The following MAP3K4 variants were observed in gnomAD, a reference collection of about 807,000 sequenced individuals.
MAP3K4 encodes MAP three kinase 1.
In MAP3K4, 67 loss-of-function variants were observed where a neutral mutation model predicts 185.6. The observed-to-expected ratio is 0.36, with a 90% confidence interval of 0.30 to 0.44. The LOEUF (loss-of-function observed/expected upper bound fraction) is 0.44. Ranked by LOEUF, MAP3K4 falls within the 20% of genes least tolerant of loss-of-function variation. The pLI is 1.00. For synonymous variants in MAP3K4, 702 were observed against 710.4 expected, an observed-to-expected ratio of 0.99 and a Z score of 0.19; for missense variants, 1,551 against 1,995.1, an observed-to-expected ratio of 0.78 and a Z score of 4.24.
Position 161,089,351 on chromosome 6 carries a change from G to C in MAP3K4, c.2853G>C (p.Gln951His). The C allele has an allele frequency of 6.2e-7, 1 of 1,614,086 alleles. No homozygotes were observed. Among genetic ancestry groups the C allele is most frequent in the South Asian group, 1.1e-5 (1 of 91,074 alleles). Residue 951 changes from glutamine (Q) to histidine (H), a missense_variant, in exon 11 of 27, where the codon CAG becomes CAC. Gln to His is a conservative substitution (Grantham distance 24). This residue lies in a region of MAP3K4 where 261 missense variants were observed against 306.5 expected (regional missense o/e 0.85). Transcript: ENST00000392142. ...ATAATCTTTTACTAGTTGTCATGCAGTCTGCGCATCTCACAATTCAGAGAA... is the reference window on the plus strand; with the variant it reads ...ATAATCTTTTACTAGTTGTCATGCACTCTGCGCATCTCACAATTCAGAGAA... ...QVDNLLLVVM[Q>H]SAHLTIQRKA...
chr6:161,071,531 G>A lies in MAP3K4; in HGVS notation c.1950+681G>A, dbSNP rs1440333741. On this transcript the variant is annotated intron_variant, in intron 4 of 26. Transcript: ENST00000392142. The surrounding 1 kb of genome is among the most constrained non-coding windows in gnomAD (Gnocchi z 4.6). ...GTACGTGTCTATCCCATAGGGATTG[G>A]AGGGCTAAGAGCTACCCGGCTCTGT... is the stretch of plus-strand genomic sequence containing the variant. Among the ~76,000 whole-genome samples, 1 of 152,198 alleles carries A rather than the reference G, an allele frequency of 6.6e-6. No homozygotes were observed. Among genetic ancestry groups the A allele is most frequent in the African/African-American group, 2.4e-5 (1 of 41,428 alleles).
intron 6 of MAP3K4, among the ~76,000 whole-genome samples, chr6:161,083,100 T>C (rs1785535283): frequency 6.6e-6 from 1 of 152,178 alleles, no homozygotes; most frequent in Non-Finnish European, 1.5e-5. Context: ...CCTTAGGCCC[T>C]TTTCACCAGC....
Position 161,091,080 on chromosome 6 carries a change from G to A in MAP3K4, c.2974-299G>A, listed in dbSNP as rs920306759. On this transcript the variant is annotated intron_variant, in intron 11 of 26. Coordinates refer to ENST00000392142, the MANE Select transcript of MAP3K4 (RefSeq NM_005922.4). The surrounding 1 kb of genome is among the most constrained non-coding windows in gnomAD (Gnocchi z 5.5). ...CACCCGTACTTATGGTTGAGCAACC[G>A]TCCAGGAGGAGAAAACAACAGGTGG... is the stretch of plus-strand genomic sequence containing the variant. Among the ~76,000 whole-genome samples the A allele has an allele frequency of 2.6e-5, 4 of 152,178 alleles. No homozygotes were observed. The highest frequency in any genetic ancestry group is 6.5e-5 in the Admixed American group (1 of 15,278).
At chr6:161,028,107 T>G (rs1369341586) in intron 1 of MAP3K4, among the ~76,000 whole-genome samples, 1 of 152,204 alleles carries the variant, frequency 6.6e-6, no homozygotes, top group Non-Finnish European at 1.5e-5. Flanking sequence ...AGTCACAAAG[T>G]CATTCCACAT....
In MAP3K4 at chr6:161,093,143, G is replaced by A; in HGVS notation, c.3348+87G>A. The A allele has an allele frequency of 1.2e-6, 1 of 860,936 alleles. No individual in the cohort carries two copies. The highest frequency in any genetic ancestry group is 2.6e-5 in the East Asian group (1 of 38,956). 53.3% of individuals were successfully genotyped at this position (860,936 alleles called of 1,614,324 possible). A position where few individuals can be genotyped will look rare whatever the true frequency, so the allele number is the denominator to read the frequency against. Reference sequence around the variant, plus strand: ...TTGTATATGTTTTATATGTAATAGTGGTTTTTTTCATGAGATATTAATCTC... The same window carrying A: ...TTGTATATGTTTTATATGTAATAGTAGTTTTTTTCATGAGATATTAATCTC... On this transcript the variant is annotated intron_variant, in intron 14 of 26. Coordinates refer to ENST00000392142, the MANE Select transcript of MAP3K4 (RefSeq NM_005922.4). This position sits in a 1 kb window ranked among gnomAD's most constrained non-coding sequence, Gnocchi z 5.2.
At chr6:161,050,905 G>A (rs984860889) in intron 3 of MAP3K4, among the ~76,000 whole-genome samples, 2 of 152,234 alleles carry the variant, frequency 1.3e-5, no homozygotes, top group Admixed American at 6.5e-5. Context: ...TGGTATCAGA[G>A]GTGGTTTGGT....
chr6:160,992,112 C>A, intron 1 of MAP3K4, 29 bp downstream of exon 1: 1 of 1,523,362 alleles, frequency 6.6e-7, no homozygotes. Context: ...GTCGGTCGCT[C>A]GCAGAAAGCG....
chr6:161,023,432 G>C (rs1289460127), intron 1 of MAP3K4, among the ~76,000 whole-genome samples: 1 of 152,180 alleles, frequency 6.6e-6, no homozygotes, highest in Non-Finnish European at 1.5e-5. Context: ...AGTATGTTTA[G>C]GTTATGCTTC....
chr6:161,084,076 T>TA lies in MAP3K4; in HGVS notation c.2256-424dup, dbSNP rs1192598040. On this transcript the variant is annotated intron_variant, in intron 6 of 26. Coordinates refer to ENST00000392142, the MANE Select transcript of MAP3K4 (RefSeq NM_005922.4). This position sits in a 1 kb window ranked among gnomAD's most constrained non-coding sequence, Gnocchi z 4.6. The stretch of plus-strand genomic sequence containing the variant: ...TACTCAATGAGAAGGATCAGCCAGA[T>TA]AGAGTGTTTCATGTTTATTGACTAT... 6.6e-6 allele frequency among the ~76,000 whole-genome samples: 1 copy of TA among 152,252 alleles called. No homozygotes were observed. Among genetic ancestry groups the TA allele is most frequent in the Admixed American group, 6.5e-5 (1 of 15,290 alleles).
Position 161,077,148 on chromosome 6 carries a change from C to T in MAP3K4, c.2097+3536C>T, listed in dbSNP as rs948931018. Among the ~76,000 whole-genome samples the T allele has an allele frequency of 6.6e-6, 1 of 151,794 alleles. No individual in the cohort carries two copies. The highest frequency in any genetic ancestry group is 6.6e-5 in the Admixed American group (1 of 15,256). On this transcript the variant is annotated intron_variant, in intron 5 of 26. Transcript: ENST00000392142. This position sits in a 1 kb window ranked among gnomAD's most constrained non-coding sequence, Gnocchi z 4.3. ...TGTAATAAGAGATTGTTTTAAAAAG[C>T]GTATAGACTAGAAGGAAATGTGCTC... is the stretch of plus-strand genomic sequence containing the variant.
At position 161,116,980 on chromosome 6, in the gene MAP3K4, G is replaced by A. The variant is rs1253862057; in HGVS notation, c.*110G>A. On this transcript the variant is annotated 3_prime_UTR_variant, in exon 27 of 27. Transcript: ENST00000392142. This position sits in a 1 kb window ranked among gnomAD's most constrained non-coding sequence, Gnocchi z 6.2. ...TAAGCCTTTTTAACCTTCCAAGACTGAAGACTGCACAGGTGACAAGCGTCA... is the reference window on the plus strand; with the variant it reads ...TAAGCCTTTTTAACCTTCCAAGACTAAAGACTGCACAGGTGACAAGCGTCA... 2.0e-6 allele frequency: 2 copies of A among 1,007,430 alleles called. No individual in the cohort carries two copies. The highest frequency in any genetic ancestry group is 1.6e-5 in the African/African-American group (1 of 62,806). 62.4% of individuals were successfully genotyped at this position (1,007,430 alleles called of 1,614,324 possible). A position where few individuals can be genotyped will look rare whatever the true frequency, so the allele number is the denominator to read the frequency against.
chr6:161,098,153 A>T lies in MAP3K4; in HGVS notation c.3525-125A>T. ...CACCTAGACTCAAATCTCAAAGAAC[A>T]ATTTGCATTTTATATTTTTAAATAT... On this transcript the variant is annotated intron_variant, in intron 16 of 26. Transcript: ENST00000392142. The surrounding 1 kb of genome is among the most constrained non-coding windows in gnomAD (Gnocchi z 4.4). 2 of 1,155,364 alleles carry T rather than the reference A, an allele frequency of 1.7e-6. No individual in the cohort carries two copies. The highest frequency in any genetic ancestry group is 2.4e-6 in the Non-Finnish European group (2 of 823,492). The allele number at this position is 1,155,364 out of a possible 1,614,324, so 71.6% of individuals were successfully genotyped here.
chr6:161,099,078 C>G (rs1233676292), intron 17 of MAP3K4, among the ~76,000 whole-genome samples: 2 of 152,128 alleles, frequency 1.3e-5, no homozygotes, highest in Non-Finnish European at 2.9e-5. Flanking sequence ...ATCATGTTCT[C>G]CTATCCTAAG....
intron 2 of MAP3K4, among the ~76,000 whole-genome samples, chr6:161,041,280 G>A (rs1783437691): frequency 6.6e-6 from 1 of 152,228 alleles, no homozygotes; most frequent in Admixed American, 6.5e-5. Flanking sequence ...CCACGCTGAT[G>A]CCTTCCCAGC....
At position 161,091,134 on chromosome 6, in the gene MAP3K4, G is replaced by C. The variant is rs1168731751; in HGVS notation, c.2974-245G>C. Among the ~76,000 whole-genome samples, 1 of 152,156 alleles carries C rather than the reference G, an allele frequency of 6.6e-6. No homozygotes were observed. Among genetic ancestry groups the C allele is most frequent in the African/African-American group, 2.4e-5 (1 of 41,446 alleles). On this transcript the variant is annotated intron_variant, in intron 11 of 26. Coordinates refer to ENST00000392142, the MANE Select transcript of MAP3K4 (RefSeq NM_005922.4). The surrounding 1 kb of genome is among the most constrained non-coding windows in gnomAD (Gnocchi z 5.5). ...ATGTATAAAAATATTGAAGATAAAA[G>C]CATCTATTCCAAGAGCAGATTATAA...
At chr6:161,002,302 A>C (rs1377592631) in intron 1 of MAP3K4, among the ~76,000 whole-genome samples, 1 of 152,010 alleles carries the variant, frequency 6.6e-6, no homozygotes, top group East Asian at 1.9e-4. Context: ...ACTTGGATTA[A>C]TTTTCTTTTC....
Position 161,075,890 on chromosome 6 carries a change from A to G in MAP3K4, c.2097+2278A>G, listed in dbSNP as rs900261602. On this transcript the variant is annotated intron_variant, in intron 5 of 26. Coordinates refer to ENST00000392142, the MANE Select transcript of MAP3K4 (RefSeq NM_005922.4). The surrounding 1 kb of genome is among the most constrained non-coding windows in gnomAD (Gnocchi z 4.3). ...TATAATGTGCTAGAAGGATCAGGGC[A>G]AAGGTGTGTTCTGAGGACTAGGGGA... Among the ~76,000 whole-genome samples, 2 of 152,248 alleles carry G rather than the reference A, an allele frequency of 1.3e-5. No individual in the cohort carries two copies. Among genetic ancestry groups the G allele is most frequent in the African/African-American group, 4.8e-5 (2 of 41,474 alleles).
chr6:161,048,265 T>C lies in MAP3K4; in HGVS notation c.344-351T>C, dbSNP rs1242264762. 1 of 547,838 alleles carries C rather than the reference T, an allele frequency of 1.8e-6. No homozygotes were observed. Among genetic ancestry groups the C allele is most frequent in the Non-Finnish European group, 3.7e-6 (1 of 270,374 alleles). 33.9% of individuals were successfully genotyped at this position (547,838 alleles called of 1,614,324 possible). A position where few individuals can be genotyped will look rare whatever the true frequency, so the allele number is the denominator to read the frequency against. ...ATCCAGGTGTCCGTCAGATCTCCCA[T>C]GCTGTTTCTTCCTCCTTAAATTGAA... On this transcript the variant is annotated intron_variant, in intron 2 of 26. Transcript: ENST00000392142. This position sits in a 1 kb window ranked among gnomAD's most constrained non-coding sequence, Gnocchi z 4.7.
In MAP3K4 at chr6:161,109,666, G is replaced by A. The variant is rs1778259462; in HGVS notation, c.4237-89G>A. 7 of 1,272,300 alleles carry A rather than the reference G, an allele frequency of 5.5e-6. No homozygotes were observed. The Admixed American group carries it at 7.0e-5, about 13-fold the overall frequency. 78.8% of individuals were successfully genotyped at this position (1,272,300 alleles called of 1,614,324 possible). The stretch of plus-strand genomic sequence containing the variant: ...ACCGTTAGAAAGAACATTCCTTTGG[G>A]GTGTGGCCTAGGAAGTTTTCCAGAT... On this transcript the variant is annotated intron_variant, in intron 22 of 26. Coordinates refer to ENST00000392142, the MANE Select transcript of MAP3K4 (RefSeq NM_005922.4). The surrounding 1 kb of genome is among the most constrained non-coding windows in gnomAD (Gnocchi z 5.7).
Sources: gnomAD v4.1 joint callset for allele counts (sites outside exome capture counted in the v4.1 genomes callset) on GRCh38, gnomAD v4.1.1 for gene constraint, gnomAD v4.1.1 regional missense constraint, Gnocchi (gnomAD v3.1) non-coding constraint, MANE v1.5 for transcripts, NCBI Gene and HGNC (gene_info 2026-07-23, HGNC 2026-07-21) for gene names.